The following LY96 variants were observed in gnomAD, a reference collection of about 807,000 sequenced individuals.
LY96 encodes the protein lymphocyte antigen 96.
LY96 carries 18 observed loss-of-function variants against 18.9 expected under a neutral mutation model. The observed-to-expected ratio is 0.95, with a 90% CI of 0.66 to 1.41. LY96 has a LOEUF of 1.41. Ranked by LOEUF, LY96 falls within the 40% of genes most tolerant of loss-of-function variation. The pLI is 0.00. For missense variants in LY96, 175 were observed against 182.4 expected, an observed-to-expected ratio of 0.96 and a Z score of 0.23; for synonymous variants, 66 against 62.6, an observed-to-expected ratio of 1.06 and a Z score of -0.26.
chr8:74,093,288 A>G, the LY96 span, among the ~76,000 whole-genome samples: 1 of 152,200 alleles, frequency 6.6e-6, no homozygotes, highest in African/African-American at 2.4e-5. Flanking sequence ...TATTTGTGAC[A>G]TTGTTTTCTA....
downstream of LY96, among the ~76,000 whole-genome samples, chr8:74,033,471 G>T (rs1347582311): frequency 6.6e-6 from 1 of 152,188 alleles, no homozygotes; most frequent in African/African-American, 2.4e-5. Flanking sequence ...CCTGCTGGGG[G>T]CCCATATCCT....
downstream of LY96, among the ~76,000 whole-genome samples, chr8:74,031,320 G>GT (rs1376110122): frequency 6.6e-6 from 1 of 152,132 alleles, no homozygotes; most frequent in African/African-American, 2.4e-5. Flanking sequence ...ACAAGGATGT[G>GT]TTTTTTGCTA....
the LY96 span, among the ~76,000 whole-genome samples, chr8:74,069,920 T>C: frequency 2.0e-5 from 3 of 151,980 alleles, no homozygotes; most frequent in African/African-American, 4.8e-5. Flanking sequence ...TGTTAGAAAA[T>C]GAATCAGTAA....
the LY96 span, among the ~76,000 whole-genome samples, chr8:74,094,327 G>C: frequency 6.6e-6 from 1 of 152,082 alleles, no homozygotes; most frequent in Non-Finnish European, 1.5e-5. Context: ...TTGAAAAAAG[G>C]TGGGACATAA....
At position 74,003,367 on chromosome 8, in the gene LY96, G is replaced by A. The variant is rs117310202; in HGVS notation, c.113-1429G>A. Among the ~76,000 whole-genome samples the A allele has an allele frequency of 2.6e-5, 4 of 152,320 alleles. No homozygotes were observed. In the East Asian group the frequency reaches 7.7e-4, roughly 29 times the overall value. On this transcript the variant is annotated intron_variant, in intron 1 of 4. Coordinates refer to ENST00000284818, the MANE Select transcript of LY96 (RefSeq NM_015364.5). ...GCTAGCTTGAAGCAGGCTTACAGTG[G>A]CACAAAAGCAAGGATATAGAGGCAG...
At chr8:73,997,779 C>G (rs577381743) in intron 1 of LY96, among the ~76,000 whole-genome samples, 1 of 152,170 alleles carries the variant, frequency 6.6e-6, no homozygotes, top group Non-Finnish European at 1.5e-5. Context: ...TTTATGTTTA[C>G]TGGTTTATTA....
the LY96 span, among the ~76,000 whole-genome samples, chr8:74,098,001 T>C: frequency 6.6e-6 from 1 of 152,204 alleles, no homozygotes; most frequent in African/African-American, 2.4e-5. Flanking sequence ...AGAGCAGGTA[T>C]GGTTTTTCAC....
At chr8:74,071,806 A>G in the LY96 span, among the ~76,000 whole-genome samples, 3,726 of 152,250 alleles carry the variant, frequency 0.024, 126 homozygotes, top group African/African-American at 0.083. Context: ...TCCTTCCTCA[A>G]CATTATGTTA....
the LY96 span, among the ~76,000 whole-genome samples, chr8:74,067,354 C>T: frequency 6.6e-6 from 1 of 152,172 alleles, no homozygotes; most frequent in Non-Finnish European, 1.5e-5. Context: ...ATCAGCCTCC[C>T]AAGTAGCTGG....
the LY96 span, among the ~76,000 whole-genome samples, chr8:74,092,994 T>A: frequency 1.3e-5 from 2 of 152,226 alleles, no homozygotes. Flanking sequence ...TGGTTTCTTA[T>A]TGTTTTAGTA....
chr8:74,034,825 G>T, the LY96 span, among the ~76,000 whole-genome samples: 1 of 152,052 alleles, frequency 6.6e-6, no homozygotes, highest in African/African-American at 2.4e-5. Context: ...AGATTGTAAG[G>T]GCCAGTTTTG....
the LY96 span, among the ~76,000 whole-genome samples, chr8:74,066,775 C>T: frequency 2.0e-5 from 3 of 152,132 alleles, no homozygotes; most frequent in South Asian, 2.1e-4. Context: ...GCTAGTTAAG[C>T]GAGGATGAAG....
At chr8:74,062,970 A>C in the LY96 span, among the ~76,000 whole-genome samples, 1 of 152,178 alleles carries the variant, frequency 6.6e-6, no homozygotes, top group Non-Finnish European at 1.5e-5. Flanking sequence ...ATGCAGCAAA[A>C]ATTTAACTTA....
At chr8:74,021,923 G>A (rs1488328455) in intron 3 of LY96, among the ~76,000 whole-genome samples, 1 of 152,078 alleles carries the variant, frequency 6.6e-6, no homozygotes, top group African/African-American at 2.4e-5. Flanking sequence ...GCCTGTCATG[G>A]GGTGGGGGGC....
chr8:74,062,741 A>G, the LY96 span, among the ~76,000 whole-genome samples: 7 of 152,176 alleles, frequency 4.6e-5, no homozygotes, highest in African/African-American at 1.7e-4. Context: ...CCTATGTGGT[A>G]TGTTGCTAAT....
chr8:74,063,213 T>A, the LY96 span, among the ~76,000 whole-genome samples: 1 of 152,190 alleles, frequency 6.6e-6, no homozygotes, highest in Non-Finnish European at 1.5e-5. Flanking sequence ...AGTGGTTAGC[T>A]TACTCCAGTG....
chr8:74,016,340 G>C (rs1816641907), intron 3 of LY96, among the ~76,000 whole-genome samples: 1 of 152,208 alleles, frequency 6.6e-6, no homozygotes, highest in Non-Finnish European at 1.5e-5. Flanking sequence ...GGCTTGAGTA[G>C]GTAAACAAAG....
the LY96 span, chr8:74,052,678 A>C: frequency 6.6e-6 from 1 of 152,206 alleles, no homozygotes; most frequent in African/African-American, 2.4e-5. Context: ...TGCTTCTAGA[A>C]ATGCACCTAG....
At chr8:74,047,585 G>T in the LY96 span, among the ~76,000 whole-genome samples, 4 of 152,242 alleles carry the variant, frequency 2.6e-5, no homozygotes, top group Non-Finnish European at 4.4e-5. Context: ...CCAGTGCAAT[G>T]CCAGGGGACT....
Sources: gnomAD v4.1 joint callset for allele counts (sites outside exome capture counted in the v4.1 genomes callset) on GRCh38, gnomAD v4.1.1 for gene constraint, MANE v1.5 for transcripts, NCBI Gene and HGNC (gene_info 2026-07-23, HGNC 2026-07-21) for gene names.